Variants in SYNM observed in about 807,000 individuals in gnomAD.
SYNM encodes desmuslin.
Under a neutral mutation model 104.0 loss-of-function variants are expected in SYNM, and 95 were observed. The observed-to-expected ratio is 0.91, with a 90% CI of 0.77 to 1.08. The LOEUF (loss-of-function observed/expected upper bound fraction) is 1.08, where lower values mean the gene tolerates loss of function less well. Among genes scored for constraint, SYNM ranks in the 50% least tolerant of loss-of-function variants. The pLI is 0.00. For missense variants in SYNM, 2,150 were observed against 2,052.2 expected (o/e 1.05, Z -0.92); for synonymous variants, 918 against 869.0 (o/e 1.06, Z -0.99).
In SYNM at chr15:99,129,564, G is replaced by C. The variant is rs782209355; in HGVS notation, c.1204G>C (p.Gly402Arg). ...GDARRGFLGS[G>R]YSSSATTQQE... is the part of the protein sequence containing the mutation. ...TGCCAGAAGAGGCTTCTTGGGCTCG[G>C]GATATTCTTCCTCGGCCACTACCCA... Residue 402 changes from glycine to arginine, a missense_variant, in exon 4 of 4, where the codon GGA (glycine) becomes CGA (arginine). Transcript: ENST00000336292. The C allele has an allele frequency of 1.2e-5, 20 of 1,613,808 alleles. No homozygotes were observed. The highest frequency in any genetic ancestry group is 1.7e-5 in the Non-Finnish European group (20 of 1,179,896).
At chr15:99,139,460 A>C, downstream of SYNM, 1 of 1,609,396 alleles carries the variant, frequency 6.2e-7, no homozygotes, top group Non-Finnish European at 8.5e-7. Context: ...CAGGAAACTA[A>C]GGTCTCCCTT....
rs1555486151 is a variant in SYNM, at chr15:99,132,609, A to G, written c.4249A>G (p.Ile1417Val). 6.2e-7 allele frequency: 1 copy of G among 1,614,016 alleles called. No individual in the cohort carries two copies. The highest frequency in any genetic ancestry group is 1.7e-5 in the Admixed American group (1 of 60,026). ...TACAGAAACGGAAACCTCTGAACAC[A>G]TTGCCATCCGTGGACCCGTGTCCAG... ...GPTETETSEHIAIRGPVSRTF... is the reference protein window; with the variant it reads ...GPTETETSEHVAIRGPVSRTF... The change falls in exon 4 of 4, where the codon ATT becomes GTT. Residue 1417 changes from isoleucine (I) to valine (V), a missense_variant. Coordinates refer to ENST00000336292, the MANE Select transcript of SYNM (RefSeq NM_145728.3).
chr15:99,125,025 G>A (rs1228983751), intron 2 of SYNM, among the ~76,000 whole-genome samples: 1 of 152,254 alleles, frequency 6.6e-6, no homozygotes, highest in African/African-American at 2.4e-5. Flanking sequence ...TTCTGGAAGA[G>A]GAGCAGATGC....
At chr15:99,139,578 T>C (rs939843739), downstream of SYNM, 7 of 1,540,564 alleles carry the variant, frequency 4.5e-6, no homozygotes, top group African/African-American at 6.9e-5. Context: ...CTGAGGGATC[T>C]AGGCAAAAGT....
rs782802487 is a variant in SYNM, at chr15:99,132,819, C to T, written c.4459C>T (p.Arg1487Cys). Residue 1487 changes from arginine (R) to cysteine (C), a missense_variant, in exon 4 of 4, where the codon CGT becomes TGT. Coordinates refer to ENST00000336292, the MANE Select transcript of SYNM (RefSeq NM_145728.3). ...AGCGGGAGCTCTCGGTGTGTCTGACCGTGGTTCCTGGAGAGACGCGGACAG... is the reference window on the plus strand; with the variant it reads ...AGCGGGAGCTCTCGGTGTGTCTGACTGTGGTTCCTGGAGAGACGCGGACAG... ...QEAGALGVSD[R>C]GSWRDADSRN... 78 of 1,613,282 alleles carry T rather than the reference C, an allele frequency of 4.8e-5. No homozygotes were observed. In the South Asian group the frequency reaches 7.1e-4, roughly 15 times the overall value.
intron 3 of SYNM, among the ~76,000 whole-genome samples, chr15:99,128,451 A>G (rs2067467315): frequency 6.6e-6 from 1 of 152,248 alleles, no homozygotes; most frequent in African/African-American, 2.4e-5. Context: ...GGAGTCTTGT[A>G]GAAAATGTCC....
chr15:99,138,250 AAATG>A (rs2067768679), downstream of SYNM: 4 of 1,127,434 alleles, frequency 3.5e-6, no homozygotes. Flanking sequence ...TAGGGGCTAT[AAATG>A]AGAGGAGAAT....
At position 99,131,276 on chromosome 15, in the gene SYNM, CAG is replaced by C; in HGVS notation, c.2921_2922del (p.Glu974GlyfsTer28). ...RMREELSALTREGQGGPGSVS... is the reference protein window; with the variant it reads ...RMREELSALTXEGQGGPGSVS... ...TGAGGGAGGAGCTGTCCGCCCTCAC[CAG>C]AGAGGGGCAGGGTGGGCCGGGGAGC... On this transcript the variant is annotated frameshift_variant, in exon 4 of 4. Transcript: ENST00000336292. LOFTEE classifies it high-confidence loss of function. The surrounding 1 kb of genome is among the most constrained non-coding windows in gnomAD (Gnocchi z 4.3). 2 of 1,611,984 alleles carry C rather than the reference CAG, an allele frequency of 1.2e-6. No individual in the cohort carries two copies. The highest frequency in any genetic ancestry group is 1.7e-4 in the Middle Eastern group (1 of 6,056).
In SYNM at chr15:99,131,475, C is replaced by T. The variant is rs375867337; in HGVS notation, c.3115C>T (p.Leu1039=). The T allele has an allele frequency of 5.6e-6, 9 of 1,606,228 alleles. No individual in the cohort carries two copies. In the African/African-American group the frequency reaches 6.7e-5, roughly 12 times the overall value. Reference sequence around the variant, plus strand: ...TGTGGAGTCGGTGGTTCGGGAGAGCCTGAGCAGGCAACGCAGCCCAGCGCC... The same window carrying T: ...TGTGGAGTCGGTGGTTCGGGAGAGCTTGAGCAGGCAACGCAGCCCAGCGCC... The part of the protein sequence containing the change: ...KAVESVVRES[L]SRQRSPAPGS... The change falls in exon 4 of 4, where the codon CTG becomes TTG. Residue 1039 remains leucine, a synonymous_variant. Coordinates refer to ENST00000336292, the MANE Select transcript of SYNM (RefSeq NM_145728.3). This position sits in a 1 kb window ranked among gnomAD's most constrained non-coding sequence, Gnocchi z 4.3.
At chr15:99,123,281 G>C (rs2151805434) in intron 2 of SYNM, among the ~76,000 whole-genome samples, 1 of 146,108 alleles carries the variant, frequency 6.8e-6, no homozygotes, top group Admixed American at 7.0e-5. Flanking sequence ...TATGAGTGAT[G>C]TTTGTCTCTG....
intron 2 of SYNM, among the ~76,000 whole-genome samples, chr15:99,114,137 A>T (rs1555483686): frequency 6.6e-6 from 1 of 152,196 alleles, no homozygotes; most frequent in Non-Finnish European, 1.5e-5. Context: ...ATCCTACCTG[A>T]GCCTGGGTAA....
Position 99,131,866 on chromosome 15 carries a change from G to A in SYNM, c.3506G>A (p.Arg1169Gln), listed in dbSNP as rs200916191. ...SQAASPTGASRSVRHVTLGPG... is the reference protein window; with the variant it reads ...SQAASPTGASQSVRHVTLGPG... ...GCAGCGAGCCCGACCGGAGCCAGCC[G>A]GTCTGTGAGGCATGTCACGCTGGGT... The change falls in exon 4 of 4, where the codon CGG becomes CAG. Residue 1169 changes from arginine (R) to glutamine (Q), a missense_variant. Coordinates refer to ENST00000336292, the MANE Select transcript of SYNM (RefSeq NM_145728.3). This position sits in a 1 kb window ranked among gnomAD's most constrained non-coding sequence, Gnocchi z 4.3. 699 of 1,613,804 alleles carry A rather than the reference G, an allele frequency of 4.3e-4. 1 individual carries two copies. The highest frequency in any genetic ancestry group is 5.3e-4 in the Non-Finnish European group (630 of 1,179,894).
At position 99,133,287 on chromosome 15, in the gene SYNM, C is replaced by T; in HGVS notation, c.*229C>T. The T allele has an allele frequency of 1.2e-6, 1 of 847,616 alleles. No homozygotes were observed. The highest frequency in any genetic ancestry group is 1.7e-6 in the Non-Finnish European group (1 of 589,700). The allele number at this position is 847,616 out of a possible 1,614,324, so 52.5% of individuals were successfully genotyped here. A position where few individuals can be genotyped will look rare whatever the true frequency, so the allele number is the denominator to read the frequency against. ...TTTTATTTTTGAGTTGGGACTTTTA[C>T]AAAACACTTTTTTCCCTGGAGTCTT... On this transcript the variant is annotated 3_prime_UTR_variant, in exon 4 of 4. Transcript: ENST00000336292.
rs1443783606 is a variant in SYNM at position 99,105,594 on chromosome 15, C to G, written c.395C>G (p.Ala132Gly). Reference protein sequence around the residue: ...EALGARAALEALLGRLQAERR... With the variant: ...EALGARAALEGLLGRLQAERR... ...CTGGGCGCGCGCGCCGCCCTCGAGG[C>G]GCTGCTGGGCCGGCTGCAGGCCGAG... is the stretch of plus-strand genomic sequence containing the variant. Residue 132 changes from alanine (A) to glycine (G), a missense_variant, in exon 1 of 4, where the codon GCG becomes GGG. Physicochemically the swap from Ala to Gly is moderately conservative, Grantham distance 60. Coordinates refer to ENST00000336292, the MANE Select transcript of SYNM (RefSeq NM_145728.3). 9 of 1,164,588 alleles carry G rather than the reference C, an allele frequency of 7.7e-6. No individual in the cohort carries two copies. Among genetic ancestry groups the G allele is most frequent in the Non-Finnish European group, 9.5e-6 (9 of 943,232 alleles). 72.1% of individuals were successfully genotyped at this position (1,164,588 alleles called of 1,614,324 possible).
At chr15:99,114,889 C>T (rs1458058690) in intron 2 of SYNM, among the ~76,000 whole-genome samples, 8 of 152,098 alleles carry the variant, frequency 5.3e-5, no homozygotes, top group African/African-American at 1.4e-4. Flanking sequence ...GTGACGCTTA[C>T]AGTGGAAGGA....
intron 2 of SYNM, among the ~76,000 whole-genome samples, chr15:99,125,763 G>A (rs1443411664): frequency 2.0e-5 from 3 of 152,176 alleles, no homozygotes; most frequent in African/African-American, 7.2e-5. Context: ...GTATTTCTTG[G>A]AACCGGAGTT....
At chr15:99,138,254 G>A, downstream of SYNM, 1 of 1,103,582 alleles carries the variant, frequency 9.1e-7, no homozygotes, top group Middle Eastern at 3.1e-4. Context: ...GGCTATAAAT[G>A]AGAGGAGAAT....
downstream of SYNM, chr15:99,137,637 C>CT (rs2151817672): frequency 5.1e-6 from 1 of 196,210 alleles, no homozygotes; most frequent in African/African-American, 2.3e-5. Context: ...CTGTCCAGAT[C>CT]TAACTCCACA....
intron 1 of SYNM, among the ~76,000 whole-genome samples, 197 bp from the exon 2 acceptor site, chr15:99,113,394 A>G (rs1168417974): frequency 2.6e-5 from 4 of 152,236 alleles, no homozygotes; most frequent in Admixed American, 2.0e-4. Context: ...CACATGCAAT[A>G]AAAAACTTCC....
Sources: gnomAD v4.1 joint callset for allele counts (sites outside exome capture counted in the v4.1 genomes callset) on GRCh38, gnomAD v4.1.1 for gene constraint, Gnocchi (gnomAD v3.1) non-coding constraint, MANE v1.5 for transcripts, NCBI Gene and HGNC (gene_info 2026-07-23, HGNC 2026-07-21) for gene names.